Variants in PCDHGA12 observed in about 807,000 individuals in gnomAD.
The protein encoded by PCDHGA12 is protocadherin gamma-A12.
In PCDHGA12, 43 loss-of-function variants were observed where a neutral mutation model predicts 61.1. The ratio of observed to expected loss-of-function variants is 0.70; its 90% CI spans 0.55 to 0.91. The LOEUF is 0.91. PCDHGA12 is among the 40% of genes least tolerant of loss of function. The pLI is 0.00. For synonymous variants in PCDHGA12, 520 were observed against 542.9 expected (o/e 0.96, Z 0.59); for missense variants, 1,236 against 1,227.7 (o/e 1.01, Z -0.10).
At chr5:141,435,941 A>G (rs1354198135) in intron 1 of PCDHGA12, among the ~76,000 whole-genome samples, 1 of 152,170 alleles carries the variant, frequency 6.6e-6, no homozygotes, top group Non-Finnish European at 1.5e-5. Flanking sequence ...TGCTTCTGAG[A>G]CCAAAAAAGG....
intron 1 of PCDHGA12, among the ~76,000 whole-genome samples, chr5:141,465,130 AAG>A (rs1277023430): frequency 2.6e-5 from 4 of 151,968 alleles, no homozygotes; most frequent in Non-Finnish European, 5.9e-5. Flanking sequence ...AATTTGTAAA[AAG>A]TTTAGGGGAT....
chr5:141,453,465 A>G (rs1167340749), intron 1 of PCDHGA12, among the ~76,000 whole-genome samples: 2 of 152,098 alleles, frequency 1.3e-5, no homozygotes, highest in African/African-American at 4.8e-5. Flanking sequence ...AAACATTAAC[A>G]TAAAGTCAAA....
At chr5:141,465,768 C>T (rs1414064889) in intron 1 of PCDHGA12, among the ~76,000 whole-genome samples, 1 of 151,916 alleles carries the variant, frequency 6.6e-6, no homozygotes, top group Non-Finnish European at 1.5e-5. Flanking sequence ...CATGTTTCAT[C>T]TCTTGTTACA....
intron 1 of PCDHGA12, among the ~76,000 whole-genome samples, chr5:141,444,106 G>A (rs2098417269): frequency 7.6e-6 from 1 of 131,112 alleles, no homozygotes; most frequent in South Asian, 2.6e-4. Flanking sequence ...TGGAAACCAA[G>A]AAAAGTGAAG....
chr5:141,430,766 C>T lies in PCDHGA12; in HGVS notation c.7C>T (p.Pro3Ser). The change falls in exon 1 of 4, where the codon CCT becomes TCT. Residue 3 changes from proline (P) to serine (S), a missense_variant. Pro to Ser is a moderately conservative substitution (Grantham distance 74). Coordinates refer to ENST00000252085, the MANE Select transcript of PCDHGA12 (RefSeq NM_003735.3). MI[P>S]ARLHRDYKGL... ...ATTCTGGAGGAAGATAAGAATGATT[C>T]CTGCGCGACTGCACCGGGACTACAA... is the stretch of plus-strand genomic sequence containing the variant. The T allele has an allele frequency of 6.6e-7, 1 of 1,504,534 alleles. No individual in the cohort carries two copies. The highest frequency in any genetic ancestry group is 8.9e-7 in the Non-Finnish European group (1 of 1,128,174). 93.2% of individuals were successfully genotyped at this position (1,504,534 alleles called of 1,614,324 possible).
At position 141,487,100 on chromosome 5, in the gene PCDHGA12, C is replaced by T. The variant is rs183291629; in HGVS notation, c.2425-7707C>T. On this transcript the variant is annotated intron_variant, in intron 1 of 3. Coordinates refer to ENST00000252085, the MANE Select transcript of PCDHGA12 (RefSeq NM_003735.3). The surrounding 1 kb of genome is among the most constrained non-coding windows in gnomAD (Gnocchi z 5.0). ...CCCAGCTGACCTCCCACCACAGAAG[C>T]TGGTCATTGTGGTAAAGGATAGTGG... The T allele has an allele frequency of 5.6e-4, 909 of 1,614,074 alleles. 2 individuals carry two copies. Among genetic ancestry groups the T allele is most frequent in the Non-Finnish European group, 1.4e-4 (168 of 1,179,960 alleles).
chr5:141,487,643 C>T lies in PCDHGA12; in HGVS notation c.2425-7164C>T. 1.2e-6 allele frequency: 2 copies of T among 1,614,104 alleles called. No homozygotes were observed. The highest frequency in any genetic ancestry group is 1.7e-6 in the Non-Finnish European group (2 of 1,179,986). Reference sequence around the variant, plus strand: ...GAGACCTTTGCAGGCTCAACAAATGCTTGAGGGTTATTCTGATCCAGGCAT... The same window carrying T: ...GAGACCTTTGCAGGCTCAACAAATGTTTGAGGGTTATTCTGATCCAGGCAT... On this transcript the variant is annotated intron_variant, in intron 1 of 3. Transcript: ENST00000252085. The surrounding 1 kb of genome is among the most constrained non-coding windows in gnomAD (Gnocchi z 5.0).
Position 141,477,609 on chromosome 5 carries a change from A to T in PCDHGA12, c.2425-17198A>T, listed in dbSNP as rs775454070. The T allele has an allele frequency of 6.2e-7, 1 of 1,614,192 alleles. No homozygotes were observed. The highest frequency in any genetic ancestry group is 1.1e-5 in the South Asian group (1 of 91,082). ...GCTCGGCTTTCTTTCTTTCTCTTGG[A>T]GCAAGGAGCTGAAACCGGGCTAGTG... On this transcript the variant is annotated intron_variant, in intron 1 of 3. Transcript: ENST00000252085. The surrounding 1 kb of genome is among the most constrained non-coding windows in gnomAD (Gnocchi z 4.9).
intron 1 of PCDHGA12, among the ~76,000 whole-genome samples, chr5:141,450,750 G>C (rs778218781): frequency 1.1e-4 from 16 of 152,002 alleles, no homozygotes; most frequent in Admixed American, 2.0e-4. Context: ...GCCTCCCAAA[G>C]TGCCGGGATT....
At position 141,486,634 on chromosome 5, in the gene PCDHGA12, T is replaced by C; in HGVS notation, c.2425-8173T>C. 1 of 1,613,762 alleles carries C rather than the reference T, an allele frequency of 6.2e-7. No individual in the cohort carries two copies. The highest frequency in any genetic ancestry group is 8.5e-7 in the Non-Finnish European group (1 of 1,180,044). ...CCTCTGACCCAGACTCTGGCTTGAA[T>C]GCGCTTATCTCCTACTCACTCCTGG... On this transcript the variant is annotated intron_variant, in intron 1 of 3. Coordinates refer to ENST00000252085, the MANE Select transcript of PCDHGA12 (RefSeq NM_003735.3). The surrounding 1 kb of genome is among the most constrained non-coding windows in gnomAD (Gnocchi z 5.0).
rs751024373 is a variant in PCDHGA12, at chr5:141,491,801, G to T, written c.2425-3006G>T. 1 of 1,500,844 alleles carries T rather than the reference G, an allele frequency of 6.7e-7. No homozygotes were observed. Among genetic ancestry groups the T allele is most frequent in the Non-Finnish European group, 8.9e-7 (1 of 1,125,292 alleles). 93.0% of individuals were successfully genotyped at this position (1,500,844 alleles called of 1,614,324 possible). ...AACTTGCATCCACTCCTCTCCGGCCGGCTTGGTCGCTGGCTGCGCTCCACC... is the reference window on the plus strand; with the variant it reads ...AACTTGCATCCACTCCTCTCCGGCCTGCTTGGTCGCTGGCTGCGCTCCACC... On this transcript the variant is annotated intron_variant, in intron 1 of 3. Transcript: ENST00000252085. This position sits in a 1 kb window ranked among gnomAD's most constrained non-coding sequence, Gnocchi z 6.9.
At chr5:141,510,238 A>C (rs2099880007) in intron 3 of PCDHGA12, among the ~76,000 whole-genome samples, 1 of 149,340 alleles carries the variant, frequency 6.7e-6, no homozygotes, top group Non-Finnish European at 1.5e-5. Flanking sequence ...GCGCCACTGC[A>C]CTCCAGGCTG....
Position 141,432,083 on chromosome 5 carries a change from G to T in PCDHGA12, c.1324G>T (p.Val442Leu), listed in dbSNP as rs1221754474. The change falls in exon 1 of 4, where the codon GTG becomes TTG. Residue 442 changes from valine to leucine, a missense_variant. Transcript: ENST00000252085. The surrounding 1 kb of genome is among the most constrained non-coding windows in gnomAD (Gnocchi z 6.0). ...LSTETHISLN[V>L]ADTNDNPPVF... is the part of the protein sequence containing the mutation. ...CACGGAAACTCATATCTCGCTGAAC[G>T]TGGCAGACACCAACGACAACCCGCC... The T allele has an allele frequency of 1.9e-6, 3 of 1,614,040 alleles. No individual in the cohort carries two copies. The highest frequency in any genetic ancestry group is 2.7e-5 in the African/African-American group (2 of 74,910).
At chr5:141,452,831 G>A (rs1184490491) in intron 1 of PCDHGA12, among the ~76,000 whole-genome samples, 1 of 152,104 alleles carries the variant, frequency 6.6e-6, no homozygotes, top group Non-Finnish European at 1.5e-5. Flanking sequence ...AAAATCACTT[G>A]GTCCAGCCCA....
chr5:141,453,524 C>T (rs1351750021), intron 1 of PCDHGA12, among the ~76,000 whole-genome samples: 1 of 152,060 alleles, frequency 6.6e-6, no homozygotes, highest in Non-Finnish European at 1.5e-5. Flanking sequence ...TCCCCTATAC[C>T]TTCTGCCTCA....
At chr5:141,474,892 A>G (rs1419975508) in intron 1 of PCDHGA12, among the ~76,000 whole-genome samples, 1 of 152,208 alleles carries the variant, frequency 6.6e-6, no homozygotes, top group Non-Finnish European at 1.5e-5. Context: ...TTAGAGGTTC[A>G]TTTCTTGTTC....
At chr5:141,435,730 T>C (rs913229799) in intron 1 of PCDHGA12, among the ~76,000 whole-genome samples, 1 of 152,226 alleles carries the variant, frequency 6.6e-6, no homozygotes, top group African/African-American at 2.4e-5. Context: ...TAAAGTGTAT[T>C]ACTCTTTGAA....
rs751276470 is a variant in PCDHGA12, at chr5:141,431,560, C to A, written c.801C>A (p.Thr267=). 6.2e-7 allele frequency: 1 copy of A among 1,614,104 alleles called. No individual in the cohort carries two copies. Residue 267 remains threonine (T), a synonymous_variant, in exon 1 of 4, where the codon ACC becomes ACA. Coordinates refer to ENST00000252085, the MANE Select transcript of PCDHGA12 (RefSeq NM_003735.3). This position sits in a 1 kb window ranked among gnomAD's most constrained non-coding sequence, Gnocchi z 4.8. ...CGCAGCTGCTTGTAGTCAACGCTAC[C>A]GACCCTGACGAAGGAGTCAATGCGG... ...LGTQLLVVNA[T]DPDEGVNAEV...
intron 1 of PCDHGA12, chr5:141,492,013 T>G: frequency 1.6e-6 from 1 of 610,970 alleles, no homozygotes; most frequent in Non-Finnish European, 2.7e-6. Context: ...TCCGCGGGTG[T>G]CGGGGGTCCC....
Sources: gnomAD v4.1 joint callset for allele counts (sites outside exome capture counted in the v4.1 genomes callset) on GRCh38, gnomAD v4.1.1 for gene constraint, Gnocchi (gnomAD v3.1) non-coding constraint, MANE v1.5 for transcripts, NCBI Gene and HGNC (gene_info 2026-07-23, HGNC 2026-07-21) for gene names.